Variants in EIF1AX observed in about 807,000 individuals in gnomAD.
The protein encoded by EIF1AX is eukaryotic translation initiation factor 1A X-linked, also known as eukaryotic translation initiation factor 1A, X-chromosomal.
EIF1AX carries 1 observed loss-of-function variant against 16.1 expected under a neutral mutation model. The observed-to-expected ratio is 0.06, with a 90% CI of 0.02 to 0.30. The LOEUF (loss-of-function observed/expected upper bound fraction) is 0.30. EIF1AX is among the 10% of genes least tolerant of loss of function. The pLI is 1.00. For missense variants in EIF1AX, 11 were observed against 109.1 expected, an observed-to-expected ratio of 0.10 and a Z score of 4.00; for synonymous variants, 32 against 37.3, an observed-to-expected ratio of 0.86 and a Z score of 0.51.
intron 5 of EIF1AX, 110 bp downstream of exon 5, chrX:20,132,071 TA>T: frequency 2.0e-6 from 1 of 500,331 alleles, no homozygotes; most frequent in Non-Finnish European, 3.3e-6. Context: ...TACTTAAAAC[TA>T]AAAATGTGAG....
At chrX:20,129,750 A>T (rs2066995439) in intron 6 of EIF1AX, among the ~76,000 whole-genome samples, 1 of 112,459 alleles carries the variant, frequency 8.9e-6, no homozygotes, top group East Asian at 2.8e-4. Context: ...CATTTTGACA[A>T]GGCTTTCAGT....
intron 2 of EIF1AX, chrX:20,136,447 T>C (rs747040201): frequency 1.0e-5 from 2 of 194,450 alleles, no homozygotes; most frequent in Admixed American, 4.8e-5. Context: ...CTGTCTCTGC[T>C]ATTAGACATG....
chrX:20,138,388 C>A, intron 2 of EIF1AX, 151 bp downstream of exon 2: 1 of 477,098 alleles, frequency 2.1e-6, no homozygotes, highest in South Asian at 3.1e-5. Context: ...AGGACTGCTT[C>A]AGCCCAGGAG....
At chrX:20,137,363 G>A (rs765414951) in intron 2 of EIF1AX, among the ~76,000 whole-genome samples, 36 of 110,941 alleles carry the variant, frequency 3.2e-4, no homozygotes, top group African/African-American at 1.1e-3. Context: ...GGAGAATGGC[G>A]TGAACCCGGG....
intron 6 of EIF1AX, among the ~76,000 whole-genome samples, chrX:20,128,751 T>A (rs2066992465): frequency 9.0e-6 from 1 of 111,652 alleles, no homozygotes; most frequent in African/African-American, 3.3e-5. Flanking sequence ...TCAAGAGAAC[T>A]CCTTTAATAA....
chrX:20,136,233 A>G (rs2067016438), intron 2 of EIF1AX: 5 of 258,284 alleles, frequency 1.9e-5, no homozygotes, highest in Admixed American at 7.6e-5. Context: ...GTGTGCGTGC[A>G]CACACACACA....
At chrX:20,129,762 T>TA (rs1284517462) in intron 6 of EIF1AX, among the ~76,000 whole-genome samples, 4 of 112,362 alleles carry the variant, frequency 3.6e-5, no homozygotes, top group Non-Finnish European at 7.5e-5. Flanking sequence ...GCTTTCAGTG[T>TA]ATGTTGTAAT....
At chrX:20,130,014 A>G (rs771340378) in intron 6 of EIF1AX, among the ~76,000 whole-genome samples, 11 of 111,351 alleles carry the variant, frequency 9.9e-5, no homozygotes, top group Non-Finnish European at 1.9e-4. Context: ...AGAATTCTCA[A>G]AATAGGGCCG....
intron 1 of EIF1AX, among the ~76,000 whole-genome samples, chrX:20,139,730 T>A (rs1401591908): frequency 9.0e-6 from 1 of 111,225 alleles, no homozygotes; most frequent in Non-Finnish European, 1.9e-5. Context: ...TTCCTCTAAG[T>A]AAGATAACTA....
intron 4 of EIF1AX, among the ~76,000 whole-genome samples, chrX:20,132,632 A>T (rs73447104): frequency 0.027 from 2,998 of 111,876 alleles, 107 homozygotes; most frequent in African/African-American, 0.091. Context: ...CAATTCCAAA[A>T]CTGAGACTGA....
intron 5 of EIF1AX, 135 bp from the exon 6 acceptor site, chrX:20,130,742 C>A: frequency 1.8e-6 from 1 of 570,019 alleles, no homozygotes; most frequent in Non-Finnish European, 2.5e-6. Context: ...AGTGTCACTG[C>A]TAAGTCAAGA....
intron 6 of EIF1AX, among the ~76,000 whole-genome samples, chrX:20,129,996 G>A (rs900585670): frequency 9.0e-6 from 1 of 111,425 alleles, no homozygotes; most frequent in Non-Finnish European, 1.9e-5. Context: ...AAATTGAAGA[G>A]GGTTATAAGA....
Position 20,127,306 on chromosome X carries a change from CTGAGT to C in EIF1AX, c.*995_*999del, listed in dbSNP as rs1336536580. 8.9e-5 allele frequency: 12 copies of C among 134,626 alleles called. No homozygotes were observed. Among genetic ancestry groups the C allele is most frequent in the African/African-American group, 3.7e-4 (12 of 32,021 alleles). 11.1% of individuals were successfully genotyped at this position (134,626 alleles called of 1,213,427 possible). A position where few individuals can be genotyped will look rare whatever the true frequency, so the allele number is the denominator to read the frequency against. On this transcript the variant is annotated 3_prime_UTR_variant, in exon 7 of 7. Coordinates refer to ENST00000379607, the MANE Select transcript of EIF1AX (RefSeq NM_001412.4). ...TCAGAAACTGGAGACCATCTTTTCA[CTGAGT>C]TGTTATTCCTTCCTCTTCCCTTAGC...
chrX:20,137,812 A>G (rs1043981462), intron 2 of EIF1AX, among the ~76,000 whole-genome samples: 4 of 110,695 alleles, frequency 3.6e-5, no homozygotes, highest in Non-Finnish European at 7.6e-5. Context: ...ATTCACTACC[A>G]GAAATGCTAA....
chrX:20,124,934 G>A lies in EIF1AX; in HGVS notation c.*3372C>T, dbSNP rs1450346016. 3.3e-5 allele frequency: 5 copies of A among 149,835 alleles called. No homozygotes were observed. Among genetic ancestry groups the A allele is most frequent in the Non-Finnish European group, 6.6e-5 (5 of 76,033 alleles). 12.3% of individuals were successfully genotyped at this position (149,835 alleles called of 1,213,427 possible). On this transcript the variant is annotated 3_prime_UTR_variant, in exon 7 of 7. Coordinates refer to ENST00000379607, the MANE Select transcript of EIF1AX (RefSeq NM_001412.4). ...GAAATGGGAAATACAGAATACAGAA[G>A]ACATGCACCTTCTATCTTACATAGT...
chrX:20,132,942 G>A (rs899247071), intron 4 of EIF1AX, among the ~76,000 whole-genome samples: 19 of 112,110 alleles, frequency 1.7e-4, no homozygotes, highest in African/African-American at 6.2e-4. Context: ...ATTCAGACCA[G>A]TACTTCTTAA....
intron 3 of EIF1AX, 119 bp downstream of exon 3, chrX:20,135,619 G>A: frequency 4.1e-6 from 2 of 491,585 alleles, no homozygotes; most frequent in South Asian, 6.8e-5. Context: ...GTAAATCACT[G>A]TTTACCAAGG....
In EIF1AX at chrX:20,124,836, A is replaced by G. The variant is rs747585983; in HGVS notation, c.*3470T>C. On this transcript the variant is annotated 3_prime_UTR_variant, in exon 7 of 7. Coordinates refer to ENST00000379607, the MANE Select transcript of EIF1AX (RefSeq NM_001412.4). ...GAGTTTGGTAGCAATTTCAAATACTATGTTGACATGAATGTACAAATATAC... is the reference window on the plus strand; with the variant it reads ...GAGTTTGGTAGCAATTTCAAATACTGTGTTGACATGAATGTACAAATATAC... The G allele has an allele frequency of 6.8e-6, 1 of 146,059 alleles. No homozygotes were observed. The highest frequency in any genetic ancestry group is 3.3e-4 in the South Asian group (1 of 2,999). The allele number at this position is 146,059 out of a possible 1,213,427, so 12.0% of individuals were successfully genotyped here. A position where few individuals can be genotyped will look rare whatever the true frequency, so the allele number is the denominator to read the frequency against.
intron 3 of EIF1AX, among the ~76,000 whole-genome samples, chrX:20,135,001 A>G (rs2067011905): frequency 9.0e-6 from 1 of 111,221 alleles, no homozygotes. Flanking sequence ...CTTTACAGCT[A>G]TATGTCCAAT....
Sources: allele counts gnomAD v4.1 joint callset (sites outside exome capture counted in the v4.1 genomes callset), GRCh38; gene constraint gnomAD v4.1.1; transcripts MANE v1.5; gene names NCBI Gene and HGNC (gene_info 2026-07-23, HGNC 2026-07-21).